Variants in ASTN2 observed in about 807,000 individuals in gnomAD.
The protein encoded by ASTN2 is astrotactin-2.
A neutral mutation model predicts 139.8 loss-of-function variants in ASTN2; 54 were observed. The ratio of observed to expected loss-of-function variants is 0.39; its 90% CI spans 0.31 to 0.48. ASTN2 has a LOEUF of 0.48. Among genes scored for constraint, ASTN2 ranks in the 20% least tolerant of loss-of-function variants. The pLI is 0.95. For missense variants in ASTN2, 1,565 were observed against 1,725.1 expected (o/e 0.91, Z 1.64); for synonymous variants, 756 against 719.5 (o/e 1.05, Z -0.81).
chr9:117,077,005 T>C (rs1214536323), intron 5 of ASTN2, among the ~76,000 whole-genome samples: 47 of 152,314 alleles, frequency 3.1e-4, no homozygotes, highest in Non-Finnish European at 4.4e-5. Context: ...TTTAATTTTG[T>C]TCAGAGACGC....
At chr9:116,964,048 C>G (rs1179761019) in intron 10 of ASTN2, among the ~76,000 whole-genome samples, 1 of 152,104 alleles carries the variant, frequency 6.6e-6, no homozygotes, top group African/African-American at 2.4e-5. Context: ...TGTGCATAGT[C>G]CCCTTTTAAA....
chr9:117,291,689 C>CA (rs1282263701), intron 1 of ASTN2, among the ~76,000 whole-genome samples, 176 bp from the exon 2 acceptor site: 1 of 152,240 alleles, frequency 6.6e-6, no homozygotes, highest in African/African-American at 2.4e-5. Context: ...GATGAGTCAA[C>CA]TGTGACCAAG....
chr9:117,214,334 TG>T, intron 3 of ASTN2, 23 bp downstream of exon 3: 1 of 1,535,380 alleles, frequency 6.5e-7, no homozygotes, highest in Non-Finnish European at 8.9e-7. Flanking sequence ...CCCTGGAAAA[TG>T]GGCTGTGACA....
At chr9:117,076,305 G>C (rs574291578) in intron 5 of ASTN2, among the ~76,000 whole-genome samples, 1 of 152,012 alleles carries the variant, frequency 6.6e-6, no homozygotes, top group Non-Finnish European at 1.5e-5. Flanking sequence ...CCAGACAGAG[G>C]GGACTGCGTG....
At chr9:116,907,826 C>T (rs570396844) in intron 10 of ASTN2, among the ~76,000 whole-genome samples, 29 of 152,180 alleles carry the variant, frequency 1.9e-4, no homozygotes, top group Non-Finnish European at 3.1e-4. Context: ...TGCTGCAGGA[C>T]GTGGGTCCGA....
intron 13 of ASTN2, among the ~76,000 whole-genome samples, chr9:116,763,872 T>C (rs1328599907): frequency 1.3e-5 from 2 of 152,044 alleles, no homozygotes; most frequent in Non-Finnish European, 2.9e-5. Flanking sequence ...TGCAGGTGGG[T>C]CTCTGCGAGA....
chr9:117,280,639 G>T (rs1564123585), intron 2 of ASTN2, among the ~76,000 whole-genome samples: 1 of 152,258 alleles, frequency 6.6e-6, no homozygotes, highest in East Asian at 1.9e-4. Flanking sequence ...GGAGAGTGTG[G>T]CCCTGCCAAC....
At chr9:116,549,286 G>A (rs1264406047) in intron 19 of ASTN2, among the ~76,000 whole-genome samples, 2 of 151,452 alleles carry the variant, frequency 1.3e-5, no homozygotes, top group Non-Finnish European at 2.9e-5. Flanking sequence ...GGAAGTAAAA[G>A]AAAGGAATGG....
chr9:116,464,811 C>T (rs761400641), intron 20 of ASTN2, among the ~76,000 whole-genome samples: 1 of 152,176 alleles, frequency 6.6e-6, no homozygotes, highest in Non-Finnish European at 1.5e-5. Context: ...TCTCTACTTG[C>T]CTATAGGGAT....
At chr9:117,302,521 G>T (rs1386718438) in intron 1 of ASTN2, among the ~76,000 whole-genome samples, 1 of 152,056 alleles carries the variant, frequency 6.6e-6, no homozygotes, top group East Asian at 1.9e-4. Context: ...CCCTTATAAT[G>T]CCAGGGCCCC....
intron 10 of ASTN2, among the ~76,000 whole-genome samples, chr9:116,959,132 C>G (rs1443694431): frequency 2.0e-5 from 3 of 152,080 alleles, no homozygotes; most frequent in Non-Finnish European, 2.9e-5. Context: ...TGAGTGTGAC[C>G]ACTGGGAGAT....
chr9:116,934,985 T>G (rs553344356), intron 10 of ASTN2, among the ~76,000 whole-genome samples: 1 of 152,342 alleles, frequency 6.6e-6, no homozygotes, highest in African/African-American at 2.4e-5. Flanking sequence ...CAGGGAATGT[T>G]CTTAAACTCT....
chr9:117,395,594 A>T (rs1485554423), intron 1 of ASTN2, among the ~76,000 whole-genome samples: 1 of 152,200 alleles, frequency 6.6e-6, no homozygotes, highest in Non-Finnish European at 1.5e-5. Context: ...TTCTGTGTTC[A>T]TAAGTAGCCT....
At chr9:116,890,835 A>T (rs1194454599) in intron 10 of ASTN2, among the ~76,000 whole-genome samples, 3 of 152,184 alleles carry the variant, frequency 2.0e-5, no homozygotes, top group African/African-American at 7.2e-5. Flanking sequence ...ATATGAACTC[A>T]GCACCGCCTG....
intron 6 of ASTN2, among the ~76,000 whole-genome samples, chr9:117,030,283 C>T (rs968403378): frequency 6.6e-6 from 1 of 152,212 alleles, no homozygotes; most frequent in Non-Finnish European, 1.5e-5. Context: ...AGCATTCTCT[C>T]TTTCCGTTCT....
intron 11 of ASTN2, among the ~76,000 whole-genome samples, chr9:116,856,083 T>C (rs1467166694): frequency 2.0e-5 from 3 of 152,218 alleles, no homozygotes; most frequent in African/African-American, 4.8e-5. Context: ...CTGTAAATCC[T>C]GTTTTGCAAC....
At chr9:117,110,546 T>G (rs1564430317) in intron 4 of ASTN2, among the ~76,000 whole-genome samples, 1 of 152,186 alleles carries the variant, frequency 6.6e-6, no homozygotes, top group Non-Finnish European at 1.5e-5. Flanking sequence ...ACAAAATGAT[T>G]AATATCAAAT....
intron 19 of ASTN2, among the ~76,000 whole-genome samples, chr9:116,617,088 G>A (rs1855896502): frequency 6.6e-6 from 1 of 152,140 alleles, no homozygotes; most frequent in African/African-American, 2.4e-5. Flanking sequence ...TCAATAATGT[G>A]GAAAAAGCCA....
chr9:116,503,185 G>A (rs866225844), intron 19 of ASTN2, among the ~76,000 whole-genome samples: 1 of 151,592 alleles, frequency 6.6e-6, no homozygotes, highest in African/African-American at 2.4e-5. Context: ...GAAGAAGGAG[G>A]GAGGAAGGAA....
Sources: gnomAD v4.1 joint callset for allele counts (sites outside exome capture counted in the v4.1 genomes callset) on GRCh38, gnomAD v4.1.1 for gene constraint, MANE v1.5 for transcripts, NCBI Gene and HGNC (gene_info 2026-07-23, HGNC 2026-07-21) for gene names.